DTNB: variants seen among roughly 807,000 people sequenced by gnomAD.
DTNB encodes dystrobrevin beta.
A neutral mutation model predicts 90.7 loss-of-function variants in DTNB; 63 were observed. The observed-to-expected ratio is 0.69, with a 90% CI of 0.57 to 0.86. The LOEUF is 0.86. Among genes scored for constraint, DTNB ranks in the 40% least tolerant of loss-of-function variants. The pLI, the probability that DTNB is intolerant of heterozygous loss-of-function variation, is 0.00. For missense variants in DTNB, 744 were observed against 807.1 expected (o/e 0.92, Z 0.95); for synonymous variants, 277 against 286.7 (o/e 0.97, Z 0.34).
At chr2:25,524,772 C>G (rs1247078604) in intron 9 of DTNB, among the ~76,000 whole-genome samples, 1 of 152,180 alleles carries the variant, frequency 6.6e-6, no homozygotes, top group Non-Finnish European at 1.5e-5. Flanking sequence ...CCTACACCAT[C>G]GAACCACTGC....
intron 4 of DTNB, 84 bp from the exon 5 acceptor site, chr2:25,607,405 GT>G: frequency 7.8e-7 from 1 of 1,290,220 alleles, no homozygotes; most frequent in Non-Finnish European, 1.1e-6. Flanking sequence ...GAGCAACCCA[GT>G]AAGTTGATTC....
At chr2:25,415,713 C>A (rs1359118074) in intron 16 of DTNB, among the ~76,000 whole-genome samples, 1 of 152,008 alleles carries the variant, frequency 6.6e-6, no homozygotes, top group African/African-American at 2.4e-5. Context: ...ATAATGGAAC[C>A]CCCATAAAGA....
chr2:25,626,505 T>C (rs1179840582), intron 4 of DTNB, among the ~76,000 whole-genome samples: 3 of 152,186 alleles, frequency 2.0e-5, no homozygotes, highest in Admixed American at 1.3e-4. Flanking sequence ...GGTACACACC[T>C]GTAATGCCAG....
chr2:25,594,249 C>T (rs944652975), intron 6 of DTNB, among the ~76,000 whole-genome samples: 1 of 152,078 alleles, frequency 6.6e-6, no homozygotes, highest in Non-Finnish European at 1.5e-5. Flanking sequence ...TTCATTAGAA[C>T]GAAGCATGGA....
chr2:25,561,714 G>A (rs144526823), intron 8 of DTNB, among the ~76,000 whole-genome samples: 6 of 152,088 alleles, frequency 3.9e-5, no homozygotes, highest in Non-Finnish European at 5.9e-5. Context: ...CCCTGCTCTC[G>A]TCCTGTGATC....
At chr2:25,422,567 G>A (rs2050130263) in intron 15 of DTNB, among the ~76,000 whole-genome samples, 1 of 151,754 alleles carries the variant, frequency 6.6e-6, no homozygotes, top group Admixed American at 6.6e-5. Context: ...CACCACATCT[G>A]GCTAATTTTT....
In DTNB at chr2:25,387,107, T is replaced by C. The variant is rs2039690297; in HGVS notation, c.1825+182A>G. 3.5e-6 allele frequency: 2 copies of C among 565,392 alleles called. No individual in the cohort carries two copies. The highest frequency in any genetic ancestry group is 6.3e-6 in the Non-Finnish European group (2 of 316,610). The allele number at this position is 565,392 out of a possible 1,614,324, so 35.0% of individuals were successfully genotyped here. On this transcript the variant is annotated intron_variant, in intron 18 of 20. Transcript: ENST00000406818. This position sits in a 1 kb window ranked among gnomAD's most constrained non-coding sequence, Gnocchi z 4.5. ...TGAATGTGAAACCGCCCCTACGCGATCCTGTGTGACAGAGGCTCTCTGGGT... is the reference window on the plus strand; with the variant it reads ...TGAATGTGAAACCGCCCCTACGCGACCCTGTGTGACAGAGGCTCTCTGGGT...
intron 12 of DTNB, among the ~76,000 whole-genome samples, chr2:25,441,845 A>T (rs768308215): frequency 6.6e-6 from 1 of 152,202 alleles, no homozygotes; most frequent in Non-Finnish European, 1.5e-5. Context: ...CATCATAGGC[A>T]TTCCTAAGTT....
intron 5 of DTNB, among the ~76,000 whole-genome samples, chr2:25,603,247 A>G (rs1482831945): frequency 6.6e-6 from 1 of 152,238 alleles, no homozygotes; most frequent in Non-Finnish European, 1.5e-5. Context: ...TTGATAATTA[A>G]GCATGTTTTA....
At chr2:25,436,052 T>C (rs956906915) in intron 12 of DTNB, among the ~76,000 whole-genome samples, 3 of 152,142 alleles carry the variant, frequency 2.0e-5, no homozygotes, top group East Asian at 1.9e-4. Flanking sequence ...AAGAATATGG[T>C]AGCCAGCAGG....
intron 2 of DTNB, among the ~76,000 whole-genome samples, chr2:25,642,140 A>G (rs188278521): frequency 1.9e-4 from 29 of 152,062 alleles, no homozygotes; most frequent in Middle Eastern, 3.4e-3. Context: ...TTATGAGTAA[A>G]AAGATATAAA....
At chr2:25,513,485 G>A (rs1302453129) in intron 9 of DTNB, among the ~76,000 whole-genome samples, 1 of 152,150 alleles carries the variant, frequency 6.6e-6, no homozygotes, top group East Asian at 1.9e-4. Context: ...CACTTTGGGA[G>A]GCCGAGGCAG....
intron 16 of DTNB, among the ~76,000 whole-genome samples, chr2:25,415,104 G>A (rs1448095934): frequency 3.3e-5 from 5 of 152,166 alleles, no homozygotes; most frequent in African/African-American, 4.8e-5. Context: ...GCTGAAGGCA[G>A]AATCACAGCA....
intron 9 of DTNB, among the ~76,000 whole-genome samples, chr2:25,491,877 T>C (rs905354869): frequency 5.9e-5 from 9 of 151,762 alleles, no homozygotes; most frequent in African/African-American, 2.2e-4. Flanking sequence ...ATGAAGTAGA[T>C]ACCATTATCT....
intron 8 of DTNB, among the ~76,000 whole-genome samples, chr2:25,565,313 T>G (rs761477208): frequency 7.2e-5 from 11 of 152,190 alleles, no homozygotes; most frequent in Non-Finnish European, 1.2e-4. Context: ...CATAACTTAC[T>G]GCAGCCTCAA....
intron 9 of DTNB, among the ~76,000 whole-genome samples, chr2:25,524,816 A>T (rs1010805795): frequency 1.3e-5 from 2 of 152,210 alleles, no homozygotes. Context: ...CCAGTCCACA[A>T]CGGACTGGGT....
chr2:25,541,634 C>A (rs1244991936), intron 8 of DTNB, among the ~76,000 whole-genome samples: 1 of 152,072 alleles, frequency 6.6e-6, no homozygotes, highest in Non-Finnish European at 1.5e-5. Context: ...TGCCCTTTGC[C>A]CCCTCCCTCC....
chr2:25,584,068 A>G (rs1462853959), intron 6 of DTNB, among the ~76,000 whole-genome samples: 9 of 152,212 alleles, frequency 5.9e-5, no homozygotes, highest in Admixed American at 5.9e-4. Context: ...TCATCTTTCA[A>G]GGGCTAAAAT....
chr2:25,527,953 A>C (rs934273094), intron 9 of DTNB, among the ~76,000 whole-genome samples: 1 of 152,148 alleles, frequency 6.6e-6, no homozygotes, highest in Non-Finnish European at 1.5e-5. Context: ...ATAACCCCCA[A>C]ATCTAGGGAA....
Sources: allele counts gnomAD v4.1 joint callset (sites outside exome capture counted in the v4.1 genomes callset), GRCh38; gene constraint gnomAD v4.1.1; non-coding constraint Gnocchi (gnomAD v3.1); transcripts MANE v1.5; gene names NCBI Gene and HGNC (gene_info 2026-07-23, HGNC 2026-07-21).